The following WRAP53 variants were observed in gnomAD, a reference collection of about 807,000 sequenced individuals.
The protein encoded by WRAP53 is WD repeat containing antisense to TP53.
In WRAP53, 28 loss-of-function variants were observed where a neutral mutation model predicts 56.6. That is an observed-to-expected ratio of 0.50 (90% CI 0.37 to 0.68). The LOEUF (loss-of-function observed/expected upper bound fraction) is 0.68. Ranked by LOEUF, WRAP53 falls within the 30% of genes least tolerant of loss-of-function variation. The pLI is 0.00. For missense variants in WRAP53, 671 were observed against 715.5 expected (o/e 0.94, Z 0.71); for synonymous variants, 283 against 283.4 (o/e 1.00, Z 0.01).
chr17:7,702,227 TGG>T lies in WRAP53; in HGVS notation c.956-111_956-110del. ...TTTGTCCTGCTTGTGACAGACAGCA[TGG>T]GGGGGATGTTGAGTCCAAGCATGTT... On this transcript the variant is annotated intron_variant, in intron 7 of 10. Coordinates refer to ENST00000396463, the MANE Select transcript of WRAP53 (RefSeq NM_001143992.2). This position sits in a 1 kb window ranked among gnomAD's most constrained non-coding sequence, Gnocchi z 5.0. The T allele has an allele frequency of 9.2e-7, 1 of 1,092,066 alleles. No individual in the cohort carries two copies. Among genetic ancestry groups the T allele is most frequent in the Non-Finnish European group, 1.4e-6 (1 of 721,808 alleles). The allele number at this position is 1,092,066 out of a possible 1,614,324, so 67.6% of individuals were successfully genotyped here.
chr17:7,700,970 TC>T (rs909583042), intron 5 of WRAP53, 141 bp downstream of exon 5: 6 of 642,182 alleles, frequency 9.3e-6, no homozygotes, highest in Non-Finnish European at 1.7e-5. Context: ...GTTGGCTTCC[TC>T]CCCTTCCTTT....
chr17:7,701,824 G>T lies in WRAP53; in HGVS notation c.955+35G>T. On this transcript the variant is annotated intron_variant, in intron 7 of 10. Coordinates refer to ENST00000396463, the MANE Select transcript of WRAP53 (RefSeq NM_001143992.2). This position sits in a 1 kb window ranked among gnomAD's most constrained non-coding sequence, Gnocchi z 4.2. The stretch of plus-strand genomic sequence containing the variant: ...TGTGCCTCCAAGGGAGGAGGAGAGG[G>T]AAGGGCACTGCCACCTGCACAGGGG... 1 of 1,604,930 alleles carries T rather than the reference G, an allele frequency of 6.2e-7. No individual in the cohort carries two copies. Among genetic ancestry groups the T allele is most frequent in the South Asian group, 1.1e-5 (1 of 89,880 alleles).
intron 5 of WRAP53, 149 bp downstream of exon 5, chr17:7,700,978 CTT>C (rs771498263): frequency 5.0e-3 from 2,693 of 541,964 alleles, no homozygotes; most frequent in East Asian, 6.6e-3. Flanking sequence ...CCTCCCCTTC[CTT>C]TTTTTTTTTT....
chr17:7,688,561 G>A lies in WRAP53; in HGVS notation c.-2G>A, dbSNP rs1346212772. 4.2e-6 allele frequency: 6 copies of A among 1,442,614 alleles called. No individual in the cohort carries two copies. The highest frequency in any genetic ancestry group is 5.7e-6 in the Non-Finnish European group (6 of 1,050,926). The allele number at this position is 1,442,614 out of a possible 1,614,324, so 89.4% of individuals were successfully genotyped here. The stretch of plus-strand genomic sequence containing the variant: ...ACTCCCAGAAGAGGAGGGAAGCACA[G>A]GTGGGTTTCTTTAGCTCTGCGTCGG... On this transcript the variant is annotated splice_region_variant and 5_prime_UTR_variant, in exon 1 of 11. Coordinates refer to ENST00000396463, the MANE Select transcript of WRAP53 (RefSeq NM_001143992.2).
Position 7,702,584 on chromosome 17 carries a change from C to G in WRAP53, c.1164+32C>G, listed in dbSNP as rs1464411543. The G allele has an allele frequency of 6.2e-7, 1 of 1,600,552 alleles. No individual in the cohort carries two copies. The highest frequency in any genetic ancestry group is 1.3e-5 in the African/African-American group (1 of 74,756). On this transcript the variant is annotated intron_variant, in intron 8 of 10. Transcript: ENST00000396463. This position sits in a 1 kb window ranked among gnomAD's most constrained non-coding sequence, Gnocchi z 5.0. ...GTCACACCCTGAGAGCCCAAAGCAG[C>G]TGGGCAGCGGGGCAGGAGCAGGGAT...
At chr17:7,695,451 C>T (rs1280749391) in intron 4 of WRAP53, among the ~76,000 whole-genome samples, 2 of 152,120 alleles carry the variant, frequency 1.3e-5, no homozygotes, top group African/African-American at 4.8e-5. Context: ...TGCCCTGCCC[C>T]GTGGGTCTTG....
At chr17:7,694,242 CTTTTTTTTTTT>C (rs749740076) in intron 4 of WRAP53, among the ~76,000 whole-genome samples, 3 of 122,618 alleles carry the variant, frequency 2.4e-5, no homozygotes, top group Non-Finnish European at 4.9e-5. Context: ...TTTTTTCTTT[CTTTTTTTTTTT>C]TTTTTTTTGA....
At chr17:7,694,275 G>A (rs1171773098) in intron 4 of WRAP53, among the ~76,000 whole-genome samples, 3 of 123,900 alleles carry the variant, frequency 2.4e-5, no homozygotes, top group East Asian at 2.3e-4. Flanking sequence ...ACAGAGTCTC[G>A]CTCTGTGGCC....
At chr17:7,694,810 AGAGT>A (rs2074160295) in intron 4 of WRAP53, among the ~76,000 whole-genome samples, 1 of 150,546 alleles carries the variant, frequency 6.6e-6, no homozygotes, top group Non-Finnish European at 1.5e-5. Flanking sequence ...CCTGGGCGAC[AGAGT>A]GAGACTCTGT....
At position 7,701,804 on chromosome 17, in the gene WRAP53, C is replaced by T. The variant is rs757234182; in HGVS notation, c.955+15C>T. 28 of 1,612,678 alleles carry T rather than the reference C, an allele frequency of 1.7e-5. No individual in the cohort carries two copies. Among genetic ancestry groups the T allele is most frequent in the Non-Finnish European group, 2.2e-5 (26 of 1,179,460 alleles). ...AGCCACATTTGGTAAGCATCTGTGC[C>T]TCCAAGGGAGGAGGAGAGGGAAGGG... On this transcript the variant is annotated intron_variant, in intron 7 of 10. Coordinates refer to ENST00000396463, the MANE Select transcript of WRAP53 (RefSeq NM_001143992.2). The surrounding 1 kb of genome is among the most constrained non-coding windows in gnomAD (Gnocchi z 4.2).
rs1248929393 is a variant in WRAP53 at position 7,688,820 on chromosome 17, G to C, written c.172G>C (p.Val58Leu). Residue 58 changes from valine (V) to leucine (L), a missense_variant, in exon 2 of 11, where the codon GTG becomes CTG. Transcript: ENST00000396463. ...GDPPRLSPDP[V>L]AGSAVSQELR... ...TCCGCCCCGGTTGTCCCCAGATCCT[G>C]TGGCTGGCTCAGCTGTGTCCCAGGA... 1.9e-6 allele frequency: 3 copies of C among 1,614,224 alleles called. No homozygotes were observed. The highest frequency in any genetic ancestry group is 2.5e-6 in the Non-Finnish European group (3 of 1,180,048).
chr17:7,690,743 C>T (rs1172930935), intron 4 of WRAP53, among the ~76,000 whole-genome samples: 1 of 151,968 alleles, frequency 6.6e-6, no homozygotes, highest in African/African-American at 2.4e-5. Context: ...AAAACCCCAT[C>T]GCTACTAAAA....
intron 4 of WRAP53, among the ~76,000 whole-genome samples, chr17:7,699,305 C>T (rs1161418526): frequency 6.7e-6 from 1 of 149,478 alleles, no homozygotes; most frequent in Admixed American, 6.7e-5. Flanking sequence ...CCTGCAATCC[C>T]AGCTACTCGG....
intron 4 of WRAP53, among the ~76,000 whole-genome samples, chr17:7,690,004 T>A (rs1360761187): frequency 1.3e-5 from 2 of 152,176 alleles, no homozygotes; most frequent in African/African-American, 2.4e-5. Flanking sequence ...GCTGGAGTGC[T>A]GTGGTGTGAT....
rs577464512 is a variant in WRAP53 at position 7,703,399 on chromosome 17, G to A, written c.1560G>A (p.Gly520=). Residue 520 remains glycine, a synonymous_variant, in exon 11 of 11, where the codon GGG becomes GGA. Coordinates refer to ENST00000396463, the MANE Select transcript of WRAP53 (RefSeq NM_001143992.2). The part of the protein sequence containing the change: ...LECRLQLWWC[G]GAPDSSIPDD... Reference sequence around the variant, plus strand: ...GTCGGCTTCAGCTCTGGTGGTGTGGGGGGGCGCCAGACTCCAGCATCCCTG... The same window carrying A: ...GTCGGCTTCAGCTCTGGTGGTGTGGAGGGGCGCCAGACTCCAGCATCCCTG... The A allele has an allele frequency of 9.9e-6, 16 of 1,612,608 alleles. No homozygotes were observed. Among genetic ancestry groups the A allele is most frequent in the Middle Eastern group, 1.6e-4 (1 of 6,076 alleles).
rs531230582 is a variant in WRAP53 at position 7,703,025 on chromosome 17, G to A, written c.1301G>A (p.Ser434Asn). ...CAGTTCCTAGTGAGTGGCAGCACGA[G>A]CGGGGCTGTCTCTGTGTGGGACACG... ...TGQFLVSGST[S>N]GAVSVWDTDG... is the part of the protein sequence containing the mutation. Residue 434 changes from serine to asparagine, a missense_variant, in exon 10 of 11, where the codon AGC becomes AAC. Ser to Asn is a conservative substitution (Grantham distance 46). Around this residue, in one of 3 missense-constraint regions of WRAP53, gnomAD observed 158 missense variants for 215.7 expected, o/e 0.73. Coordinates refer to ENST00000396463, the MANE Select transcript of WRAP53 (RefSeq NM_001143992.2). 2 of 1,614,102 alleles carry A rather than the reference G, an allele frequency of 1.2e-6. No homozygotes were observed. The highest frequency in any genetic ancestry group is 2.2e-5 in the South Asian group (2 of 91,088).
In WRAP53 at chr17:7,703,031, C is replaced by T. The variant is rs1259138921; in HGVS notation, c.1307C>T (p.Ala436Val). The part of the protein sequence containing the change: ...QFLVSGSTSG[A>V]VSVWDTDGPG... Reference sequence around the variant, plus strand: ...CTAGTGAGTGGCAGCACGAGCGGGGCTGTCTCTGTGTGGGACACGGACGGG... The same window carrying T: ...CTAGTGAGTGGCAGCACGAGCGGGGTTGTCTCTGTGTGGGACACGGACGGG... The change falls in exon 10 of 11, where the codon GCT becomes GTT. Residue 436 changes from alanine to valine, a missense_variant. By Grantham distance (64) the Ala-to-Val change is moderately conservative (BLOSUM62 0). Coordinates refer to ENST00000396463, the MANE Select transcript of WRAP53 (RefSeq NM_001143992.2). 2 of 1,614,126 alleles carry T rather than the reference C, an allele frequency of 1.2e-6. No individual in the cohort carries two copies. Among genetic ancestry groups the T allele is most frequent in the South Asian group, 2.2e-5 (2 of 91,082 alleles).
At chr17:7,687,439 C>G, upstream of WRAP53, 1 of 398,664 alleles carries the variant, frequency 2.5e-6, no homozygotes, top group Non-Finnish European at 4.4e-6. Context: ...GCAAAGTGTC[C>G]CCGGAGCCCA....
intron 4 of WRAP53, among the ~76,000 whole-genome samples, chr17:7,697,320 CA>C (rs71159522): frequency 5.3e-3 from 501 of 94,876 alleles, no homozygotes; most frequent in African/African-American, 0.011. Context: ...ACTCTGCCTC[CA>C]AAAAAAAAAA....
Sources: gnomAD v4.1 joint callset for allele counts (sites outside exome capture counted in the v4.1 genomes callset) on GRCh38, gnomAD v4.1.1 for gene constraint, gnomAD v4.1.1 regional missense constraint, Gnocchi (gnomAD v3.1) non-coding constraint, MANE v1.5 for transcripts, NCBI Gene and HGNC (gene_info 2026-07-23, HGNC 2026-07-21) for gene names.